KATNA1: variants seen among roughly 807,000 people sequenced by gnomAD.
KATNA1 encodes the protein katanin p60 ATPase-containing subunit A1.
Under a neutral mutation model 62.6 loss-of-function variants are expected in KATNA1, and 42 were observed. That is an observed-to-expected ratio of 0.67 (90% CI 0.52 to 0.87). KATNA1 has a LOEUF of 0.87. Among genes scored for constraint, KATNA1 ranks in the 40% least tolerant of loss-of-function variants. KATNA1 has a pLI of 0.00. For missense variants in KATNA1, 498 were observed against 612.5 expected (o/e 0.81, Z 1.97); for synonymous variants, 186 against 201.9 (o/e 0.92, Z 0.67).
chr6:149,613,297 C>T (rs1779040559), intron 4 of KATNA1, among the ~76,000 whole-genome samples: 1 of 145,424 alleles, frequency 6.9e-6, no homozygotes. Context: ...CTCCTAAAAT[C>T]AGGAACAGGA....
chr6:149,640,559 G>GT (rs1780241129), intron 1 of KATNA1, among the ~76,000 whole-genome samples: 1 of 151,736 alleles, frequency 6.6e-6, no homozygotes, highest in East Asian at 1.9e-4. Context: ...TTTTGTTTTT[G>GT]TTTTTTTGAG....
chr6:149,611,722 AG>A (rs1395053300), intron 4 of KATNA1, among the ~76,000 whole-genome samples: 1 of 152,180 alleles, frequency 6.6e-6, no homozygotes, highest in African/African-American at 2.4e-5. Flanking sequence ...GAATATGGCC[AG>A]GCATGGTGGC....
At chr6:149,611,978 C>T (rs768484937) in intron 4 of KATNA1, among the ~76,000 whole-genome samples, 6 of 150,992 alleles carry the variant, frequency 4.0e-5, no homozygotes, top group African/African-American at 7.3e-5. Context: ...CCAGCCTGGG[C>T]GACAAAGCGA....
chr6:149,619,444 C>T (rs1173866356), intron 4 of KATNA1, among the ~76,000 whole-genome samples: 2 of 152,094 alleles, frequency 1.3e-5, no homozygotes, highest in African/African-American at 4.8e-5. Context: ...GAAACCCCGT[C>T]TCTACTAAAA....
At chr6:149,622,347 T>TA (rs1307928796) in intron 4 of KATNA1, among the ~76,000 whole-genome samples, 1 of 152,100 alleles carries the variant, frequency 6.6e-6, no homozygotes, top group Non-Finnish European at 1.5e-5. Flanking sequence ...GTGTTGTTTT[T>TA]ACGTAAAAGA....
chr6:149,647,766 A>C (rs1364503804), intron 1 of KATNA1, among the ~76,000 whole-genome samples: 3 of 152,194 alleles, frequency 2.0e-5, no homozygotes, highest in Non-Finnish European at 4.4e-5. Flanking sequence ...TAGTGCTTTC[A>C]AGAGAAAAGA....
At chr6:149,645,063 T>C (rs542237045) in intron 1 of KATNA1, among the ~76,000 whole-genome samples, 1 of 152,342 alleles carries the variant, frequency 6.6e-6, no homozygotes, top group East Asian at 1.9e-4. Flanking sequence ...AATATATCTT[T>C]ATCATTGCTA....
chr6:149,627,364 G>A (rs116734260), intron 3 of KATNA1, among the ~76,000 whole-genome samples: 2,920 of 151,590 alleles, frequency 0.019, 131 homozygotes, highest in African/African-American at 0.068. Context: ...TCAGGAGTTC[G>A]AGACTAGCCT....
At chr6:149,628,617 C>T (rs376143184) in intron 3 of KATNA1, among the ~76,000 whole-genome samples, 71 of 151,714 alleles carry the variant, frequency 4.7e-4, no homozygotes, top group South Asian at 3.3e-3. Context: ...GTCAGGAGTT[C>T]GAGATCAGCT....
rs1348876038 is a variant in KATNA1, at chr6:149,638,476, A to T, written c.72T>A (p.Ser24=). Residue 24 remains serine, a synonymous_variant, in exon 2 of 11, where the codon TCT becomes TCA. Transcript: ENST00000367411. ...GAACTCCCTGATAATAGACCATCGC[A>T]GAGTCATAGTTTCCCAGCAATGCAT... The part of the protein sequence containing the change: ...REYALLGNYD[S]AMVYYQGVLD... 6.2e-7 allele frequency: 1 copy of T among 1,613,618 alleles called. No homozygotes were observed. Among genetic ancestry groups the T allele is most frequent in the Non-Finnish European group, 8.5e-7 (1 of 1,179,724 alleles).
chr6:149,632,764 T>C lies in KATNA1; in HGVS notation c.315A>G (p.Glu105=). 1 of 1,600,996 alleles carries C rather than the reference T, an allele frequency of 6.2e-7. No individual in the cohort carries two copies. The highest frequency in any genetic ancestry group is 2.2e-5 in the East Asian group (1 of 44,450). ...CTTAAAAGGTTTCCACTTACCTTCG[T>C]TCAACAGGTACAGGCATGGACCAGA... ...GEVWSMPVPV[E]RRPSPGPRKR... Residue 105 remains glutamate, a synonymous_variant, in exon 3 of 11, where the codon GAA becomes GAG. Coordinates refer to ENST00000367411, the MANE Select transcript of KATNA1 (RefSeq NM_007044.4).
chr6:149,637,843 A>G (rs1345956539), intron 2 of KATNA1, among the ~76,000 whole-genome samples: 2 of 152,190 alleles, frequency 1.3e-5, no homozygotes, highest in Non-Finnish European at 2.9e-5. Context: ...AACCCCTCTT[A>G]TTAGATTCCA....
chr6:149,636,807 AT>A (rs544575547), intron 2 of KATNA1, among the ~76,000 whole-genome samples: 116 of 151,628 alleles, frequency 7.7e-4, no homozygotes, highest in African/African-American at 2.6e-3. Context: ...TACCCAGCTA[AT>A]TTTTTTGTAT....
intron 1 of KATNA1, among the ~76,000 whole-genome samples, chr6:149,641,467 C>T (rs924333231): frequency 6.6e-6 from 1 of 151,958 alleles, no homozygotes; most frequent in Admixed American, 6.6e-5. Context: ...TGAGCCACAG[C>T]GCCTGGCCTG....
intron 4 of KATNA1, among the ~76,000 whole-genome samples, chr6:149,609,207 G>A (rs778635779): frequency 6.6e-6 from 1 of 152,018 alleles, no homozygotes; most frequent in Non-Finnish European, 1.5e-5. Flanking sequence ...AAGACTCCAT[G>A]CCAACACACA....
At chr6:149,623,951 G>C (rs1779509016) in intron 3 of KATNA1, among the ~76,000 whole-genome samples, 1 of 152,108 alleles carries the variant, frequency 6.6e-6, no homozygotes, top group African/African-American at 2.4e-5. Context: ...GAGACAACCA[G>C]AATACAATAC....
intron 1 of KATNA1, among the ~76,000 whole-genome samples, chr6:149,641,485 G>T (rs934089901): frequency 1.3e-4 from 20 of 151,038 alleles, no homozygotes; most frequent in Non-Finnish European, 2.2e-4. Context: ...CTGCCTTGGG[G>T]TTTTTTTTTA....
chr6:149,643,707 CAG>C (rs1443988162), intron 1 of KATNA1, among the ~76,000 whole-genome samples: 2 of 148,840 alleles, frequency 1.3e-5, no homozygotes, highest in African/African-American at 5.0e-5. Flanking sequence ...TTTTTTGAGA[CAG>C]GGTCTCATTC....
intron 4 of KATNA1, among the ~76,000 whole-genome samples, chr6:149,613,689 A>G (rs1169675161): frequency 1.3e-5 from 2 of 152,180 alleles, no homozygotes; most frequent in Admixed American, 1.3e-4. Flanking sequence ...GAGGACTGCA[A>G]CTTCCAGGGG....
Sources: allele counts gnomAD v4.1 joint callset (sites outside exome capture counted in the v4.1 genomes callset), GRCh38; gene constraint gnomAD v4.1.1; transcripts MANE v1.5; gene names NCBI Gene and HGNC (gene_info 2026-07-23, HGNC 2026-07-21).